The following DNAH6 variants were observed in gnomAD, a reference collection of about 807,000 sequenced individuals.
DNAH6 encodes axonemal beta dynein heavy chain 6.
A neutral mutation model predicts 491.4 loss-of-function variants in DNAH6; 340 were observed. The observed-to-expected ratio is 0.69, with a 90% CI of 0.63 to 0.76. The LOEUF (loss-of-function observed/expected upper bound fraction) is 0.76, where lower values mean the gene tolerates loss of function less well. Among genes scored for constraint, DNAH6 ranks in the 30% least tolerant of loss-of-function variants. The pLI, the probability that DNAH6 is intolerant of heterozygous loss-of-function variation, is 0.00. For missense variants in DNAH6, 4,443 were observed against 4,972.2 expected (o/e 0.89, Z 3.20); for synonymous variants, 1,603 against 1,686.1 (o/e 0.95, Z 1.21).
intron 18 of DNAH6, 97 bp from the exon 19 acceptor site, chr2:84,604,242 T>C (rs893869279): frequency 1.1e-6 from 1 of 932,894 alleles, no homozygotes; most frequent in Non-Finnish European, 1.6e-6. Context: ...AGTGGTGCTC[T>C]TTTCCAGCTC....
At chr2:84,609,288 C>A (rs1573207564) in intron 21 of DNAH6, among the ~76,000 whole-genome samples, 1 of 152,220 alleles carries the variant, frequency 6.6e-6, no homozygotes, top group Non-Finnish European at 1.5e-5. Flanking sequence ...TCACAGCTGT[C>A]TTAATTGTTT....
chr2:84,600,088 C>G (rs1237168501), intron 18 of DNAH6, among the ~76,000 whole-genome samples: 1 of 152,122 alleles, frequency 6.6e-6, no homozygotes, highest in Non-Finnish European at 1.5e-5. Context: ...TGGTGGTGTT[C>G]AGGTCATCTA....
intron 37 of DNAH6, among the ~76,000 whole-genome samples, chr2:84,664,576 A>G (rs1269125324): frequency 1.3e-5 from 2 of 152,230 alleles, no homozygotes; most frequent in Non-Finnish European, 2.9e-5. Flanking sequence ...CACCCAATAC[A>G]GGAGCACCCA....
intron 11 of DNAH6, among the ~76,000 whole-genome samples, chr2:84,563,243 A>G (rs1376032735): frequency 6.6e-6 from 1 of 152,184 alleles, no homozygotes; most frequent in Non-Finnish European, 1.5e-5. Flanking sequence ...ACAGGTACAT[A>G]CCCAATAATG....
intron 37 of DNAH6, among the ~76,000 whole-genome samples, chr2:84,667,858 G>A (rs1290981238): frequency 6.6e-6 from 1 of 152,224 alleles, no homozygotes; most frequent in Non-Finnish European, 1.5e-5. Context: ...ATCAATGATA[G>A]ACTGGATTAA....
In DNAH6 at chr2:84,722,753, C is replaced by G. The variant is rs769663721; in HGVS notation, c.9921C>G (p.Ser3307Arg). Residue 3307 changes from serine to arginine, a missense_variant, in exon 60 of 77, where the codon AGC becomes AGG. By Grantham distance (110) the Ser-to-Arg change is moderately radical. This residue lies in a region of DNAH6 where 1,463 missense variants were observed against 1,656.6 expected (regional missense o/e 0.88). Coordinates refer to ENST00000389394, the MANE Select transcript of DNAH6 (RefSeq NM_001370.2). ...QGSVMYFVIA[S>R]LSEIDPMYQY... The stretch of plus-strand genomic sequence containing the variant: ...CTGTAATGTACTTTGTCATTGCAAG[C>G]CTCTCAGAAATAGATCCTATGTACC... 6.5e-7 allele frequency: 1 copy of G among 1,537,190 alleles called. No homozygotes were observed.
chr2:84,811,647 G>A (rs1462735211), intron 72 of DNAH6, among the ~76,000 whole-genome samples: 3 of 152,142 alleles, frequency 2.0e-5, no homozygotes, highest in Non-Finnish European at 4.4e-5. Flanking sequence ...GATCTCCTAA[G>A]GTCAGGAGTT....
intron 4 of DNAH6, among the ~76,000 whole-genome samples, chr2:84,530,618 G>T (rs1442163500): frequency 6.6e-6 from 1 of 152,172 alleles, no homozygotes; most frequent in African/African-American, 2.4e-5. Context: ...TCTGGCTGCT[G>T]TGTGAAGAAT....
At chr2:84,591,999 G>A (rs1256675931) in intron 16 of DNAH6, among the ~76,000 whole-genome samples, 2 of 152,146 alleles carry the variant, frequency 1.3e-5, no homozygotes, top group African/African-American at 4.8e-5. Context: ...AGAGGAAAAG[G>A]TAGGAGAAAT....
Position 84,525,590 on chromosome 2 carries a change from A to G in DNAH6, c.251A>G (p.His84Arg). The change falls in exon 3 of 77, where the codon CAT (histidine) becomes CGT (arginine). Residue 84 changes from histidine to arginine, a missense_variant. Physicochemically the swap from His to Arg is conservative, Grantham distance 29. Coordinates refer to ENST00000389394, the MANE Select transcript of DNAH6 (RefSeq NM_001370.2). ...CCAGTGCTAAAAGTCTACCAAGATC[A>G]TAAGCAGCCAGAATACATACATGAA... ...PLPVLKVYQD[H>R]KQPEYIHEQN... 2 of 1,547,580 alleles carry G rather than the reference A, an allele frequency of 1.3e-6. No individual in the cohort carries two copies. The highest frequency in any genetic ancestry group is 1.7e-6 in the Non-Finnish European group (2 of 1,145,602).
chr2:84,464,672 G>A, the DNAH6 span, among the ~76,000 whole-genome samples: 67 of 152,266 alleles, frequency 4.4e-4, no homozygotes, highest in African/African-American at 1.5e-3. Context: ...ACTTCCTGAT[G>A]TTGCCATGGC....
chr2:84,615,847 A>C (rs1054269155), intron 22 of DNAH6, among the ~76,000 whole-genome samples: 1 of 151,812 alleles, frequency 6.6e-6, no homozygotes, highest in Non-Finnish European at 1.5e-5. Flanking sequence ...TTTGACTTTC[A>C]GCTTGGTCAC....
At chr2:84,550,186 C>G in intron 9 of DNAH6, 129 bp downstream of exon 9, 2 of 747,878 alleles carry the variant, frequency 2.7e-6, no homozygotes, top group Non-Finnish European at 4.1e-6. Flanking sequence ...CAGCGGCCCC[C>G]AACATTTTGG....
At chr2:84,565,052 G>C (rs1681043154) in intron 11 of DNAH6, among the ~76,000 whole-genome samples, 1 of 152,070 alleles carries the variant, frequency 6.6e-6, no homozygotes, top group African/African-American at 2.4e-5. Context: ...CTTGTTTGTG[G>C]TGTATTAACT....
intron 18 of DNAH6, among the ~76,000 whole-genome samples, chr2:84,602,243 C>T (rs1685317471): frequency 6.6e-6 from 1 of 151,940 alleles, no homozygotes; most frequent in Non-Finnish European, 1.5e-5. Flanking sequence ...AAAGAATATC[C>T]TTTAATATTT....
At position 84,594,044 on chromosome 2, in the gene DNAH6, T is replaced by G; in HGVS notation, c.2683T>G (p.Ser895Ala). 6.4e-7 allele frequency: 1 copy of G among 1,550,866 alleles called. No individual in the cohort carries two copies. Among genetic ancestry groups the G allele is most frequent in the Non-Finnish European group, 8.7e-7 (1 of 1,146,382 alleles). The change falls in exon 17 of 77, where the codon TCT becomes GCT. Residue 895 changes from serine to alanine, a missense_variant. Transcript: ENST00000389394. ...GAAGCTCAAACAATTGCTCTGGGAT[T>G]CTTTCTCTGAATGGGATAAACTCCA... ...ELKLKQLLWD[S>A]FSEWDKLQQE...
chr2:84,702,967 G>A (rs1194329866), intron 49 of DNAH6, among the ~76,000 whole-genome samples: 31 of 152,136 alleles, frequency 2.0e-4, no homozygotes, highest in Non-Finnish European at 4.3e-4. Context: ...AGCAGCTAGA[G>A]CTACACCCTC....
At chr2:84,675,569 C>T (rs1693163533) in intron 40 of DNAH6, among the ~76,000 whole-genome samples, 1 of 152,214 alleles carries the variant, frequency 6.6e-6, no homozygotes, top group Non-Finnish European at 1.5e-5. Flanking sequence ...TCTTCTCTGA[C>T]TCACAGACTA....
intron 64 of DNAH6, among the ~76,000 whole-genome samples, chr2:84,771,683 G>A (rs553252860): frequency 7.2e-5 from 11 of 152,320 alleles, no homozygotes; most frequent in Admixed American, 4.6e-4. Context: ...TCAAAGTGCT[G>A]TGGGGGAAAG....
Sources: gnomAD v4.1 joint callset for allele counts (sites outside exome capture counted in the v4.1 genomes callset) on GRCh38, gnomAD v4.1.1 for gene constraint, gnomAD v4.1.1 regional missense constraint, MANE v1.5 for transcripts, NCBI Gene and HGNC (gene_info 2026-07-23, HGNC 2026-07-21) for gene names.